NUP133: variants seen among roughly 807,000 people sequenced by gnomAD.
NUP133 encodes the protein nucleoporin 133.
A neutral mutation model predicts 146.2 loss-of-function variants in NUP133; 66 were observed. That is an observed-to-expected ratio of 0.45 (90% CI 0.37 to 0.55). NUP133 has a LOEUF of 0.55. Among genes scored for constraint, NUP133 ranks in the 20% least tolerant of loss-of-function variants. The pLI is 0.00. For missense variants in NUP133, 1,277 were observed against 1,374.8 expected (o/e 0.93, Z 1.12); for synonymous variants, 521 against 498.8 (o/e 1.04, Z -0.59).
chr1:229,442,918 G>T (rs929513242), intron 25 of NUP133, among the ~76,000 whole-genome samples: 1 of 152,022 alleles, frequency 6.6e-6, no homozygotes, highest in Non-Finnish European at 1.5e-5. Flanking sequence ...TGTTGGCCAG[G>T]CTGGTCTTGA....
At chr1:229,491,372 C>T (rs1205727749) in intron 8 of NUP133, among the ~76,000 whole-genome samples, 5 of 152,204 alleles carry the variant, frequency 3.3e-5, no homozygotes, top group African/African-American at 9.6e-5. Flanking sequence ...CCTCCAGACA[C>T]GATGGCTCAC....
chr1:229,455,904 A>G (rs1266935308), intron 21 of NUP133, among the ~76,000 whole-genome samples: 1 of 152,220 alleles, frequency 6.6e-6, no homozygotes, highest in Non-Finnish European at 1.5e-5. Context: ...AACATTCACC[A>G]TAACTGTTAC....
chr1:229,463,392 G>T, intron 19 of NUP133, 151 bp downstream of exon 19: 1 of 878,098 alleles, frequency 1.1e-6, no homozygotes, highest in Non-Finnish European at 1.7e-6. Context: ...ACAAAGAAAC[G>T]CGACATACAA....
At chr1:229,465,340 T>C in intron 17 of NUP133, 80 bp downstream of exon 17, 3 of 1,117,854 alleles carry the variant, frequency 2.7e-6, no homozygotes, top group Non-Finnish European at 4.0e-6. Flanking sequence ...AAACCTACGC[T>C]AGGGGAATAA....
Position 229,500,774 on chromosome 1 carries a change from A to G in NUP133, c.495T>C (p.Gly165=). 1 of 1,609,272 alleles carries G rather than the reference A, an allele frequency of 6.2e-7. No homozygotes were observed. The highest frequency in any genetic ancestry group is 1.7e-5 in the Admixed American group (1 of 59,910). Residue 165 remains glycine (G), a synonymous_variant, in exon 4 of 26, where the codon GGT becomes GGC. Transcript: ENST00000261396. ...LVALSYSSPS[G]EAHSTQAVAV... ...CACCTACCTGAGTAGAATGTGCTTC[A>G]CCTGAGGGAGAAGAGTAAGAAAGAG... is the stretch of plus-strand genomic sequence containing the variant.
chr1:229,472,707 C>CATACATACATATATATATAT lies in NUP133; in HGVS notation c.1852-1904_1852-1903insATATATATATATGTATGTAT, dbSNP rs58951309. ...CAAAAAAATTAAAAAACTAAATATACATATATATATATATATATATGTACA... is the reference window on the plus strand; with the variant it reads ...CAAAAAAATTAAAAAACTAAATATACATACATACATATATATATATATATATATATATATATATATGTACA... On this transcript the variant is annotated intron_variant, in intron 14 of 25. Coordinates refer to ENST00000261396, the MANE Select transcript of NUP133 (RefSeq NM_018230.3). 3.8e-4 allele frequency among the ~76,000 whole-genome samples: 47 copies of CATACATACATATATATATAT among 124,310 alleles called. 2 individuals carry two copies. Among genetic ancestry groups the CATACATACATATATATATAT allele is most frequent in the African/African-American group, 1.4e-3 (44 of 31,984 alleles). The allele number at this position is 124,310 out of a possible 152,430, so 81.6% of individuals were successfully genotyped here.
chr1:229,455,086 T>C (rs534879934), intron 21 of NUP133, among the ~76,000 whole-genome samples: 4 of 152,296 alleles, frequency 2.6e-5, no homozygotes, highest in African/African-American at 9.6e-5. Context: ...GGAGAAAATA[T>C]TGAAATCCCA....
chr1:229,474,778 T>C (rs1342297424), intron 14 of NUP133, among the ~76,000 whole-genome samples: 1 of 152,076 alleles, frequency 6.6e-6, no homozygotes, highest in African/African-American at 2.4e-5. Flanking sequence ...CCGGGTGTGG[T>C]AGTGAGTAGG....
At position 229,465,269 on chromosome 1, in the gene NUP133, A is replaced by G. The variant is rs1660786980; in HGVS notation, c.2299+151T>C. On this transcript the variant is annotated intron_variant, in intron 17 of 25. Transcript: ENST00000261396. ...GATCGATAAATAAGAGCAAGGGACG[A>G]ATAAAGTGATTTTGACAAGAGCTGC... 2.6e-5 allele frequency: 17 copies of G among 652,442 alleles called. No homozygotes were observed. In the South Asian group the frequency reaches 3.2e-4, roughly 12 times the overall value. The allele number at this position is 652,442 out of a possible 1,614,324, so 40.4% of individuals were successfully genotyped here. A position where few individuals can be genotyped will look rare whatever the true frequency, so the allele number is the denominator to read the frequency against.
intron 15 of NUP133, among the ~76,000 whole-genome samples, chr1:229,468,478 G>GT (rs1256638622): frequency 6.6e-6 from 1 of 152,132 alleles, no homozygotes. Flanking sequence ...GACAGGAACA[G>GT]TCCTAAACAT....
intron 22 of NUP133, 137 bp downstream of exon 22, chr1:229,452,388 A>G: frequency 1.8e-6 from 1 of 551,922 alleles, no homozygotes; most frequent in Non-Finnish European, 3.0e-6. Context: ...GCTTCAAACA[A>G]CGTTTTTCTA....
At chr1:229,479,679 G>A (rs1423562252) in intron 12 of NUP133, among the ~76,000 whole-genome samples, 1 of 152,166 alleles carries the variant, frequency 6.6e-6, no homozygotes, top group East Asian at 1.9e-4. Context: ...TTTTGGATAC[G>A]TTGAAACTCA....
chr1:229,459,649 T>C (rs985885660), intron 20 of NUP133, among the ~76,000 whole-genome samples: 8 of 152,230 alleles, frequency 5.3e-5, no homozygotes, highest in Non-Finnish European at 1.0e-4. Flanking sequence ...TGGTTTAGTG[T>C]AATGTTCTCC....
chr1:229,507,047 G>C (rs1661963146), intron 1 of NUP133, among the ~76,000 whole-genome samples: 1 of 152,150 alleles, frequency 6.6e-6, no homozygotes. Context: ...GAAGGGCTAA[G>C]GGCTTTGTTT....
At chr1:229,506,357 T>C (rs961079036) in intron 1 of NUP133, among the ~76,000 whole-genome samples, 199 bp from the exon 2 acceptor site, 2 of 151,130 alleles carry the variant, frequency 1.3e-5, no homozygotes, top group East Asian at 3.9e-4. Flanking sequence ...TTCAATCCCA[T>C]AGACTCTAGT....
chr1:229,499,565 T>G, intron 5 of NUP133, 119 bp downstream of exon 5: 3 of 1,095,526 alleles, frequency 2.7e-6, no homozygotes, highest in Non-Finnish European at 3.9e-6. Flanking sequence ...GCCCAGGAGT[T>G]TGAGAATTGC....
In NUP133 at chr1:229,494,297, T is replaced by C. The variant is rs747229022; in HGVS notation, c.1046+1198A>G. Among the ~76,000 whole-genome samples, 29 of 152,324 alleles carry C rather than the reference T, an allele frequency of 1.9e-4. No individual in the cohort carries two copies. The Middle Eastern group carries it at 0.014, about 71-fold the overall frequency. ...AACAAGTACTATTACTTTTACCTCT[T>C]TGATAGCTTTTATAAGGTTTTCAGA... is the stretch of plus-strand genomic sequence containing the variant. On this transcript the variant is annotated intron_variant, in intron 8 of 25. Coordinates refer to ENST00000261396, the MANE Select transcript of NUP133 (RefSeq NM_018230.3).
At chr1:229,502,558 CAAAA>C (rs58520087) in intron 2 of NUP133, among the ~76,000 whole-genome samples, 270 of 43,072 alleles carry the variant, frequency 6.3e-3, no homozygotes, top group African/African-American at 0.025. Flanking sequence ...GACTCCATCT[CAAAA>C]AAAAAAAAAA....
Position 229,487,500 on chromosome 1 carries a change from A to C in NUP133, c.1308T>G (p.Ser436=), listed in dbSNP as rs752094737. 2 of 1,613,442 alleles carry C rather than the reference A, an allele frequency of 1.2e-6. No homozygotes were observed. The highest frequency in any genetic ancestry group is 2.7e-5 in the African/African-American group (2 of 74,904). ...YVCSTGTGKF[S]LPQEKIVFNA... is the part of the protein sequence containing the mutation. Reference sequence around the variant, plus strand: ...TAAAGACAATTTTCTCCTGGGGAAGAGAAAATTTCCCAGTTCCTGTGGAGC... The same window carrying C: ...TAAAGACAATTTTCTCCTGGGGAAGCGAAAATTTCCCAGTTCCTGTGGAGC... Residue 436 remains serine (S), a synonymous_variant, in exon 10 of 26, where the codon TCT becomes TCG. Coordinates refer to ENST00000261396, the MANE Select transcript of NUP133 (RefSeq NM_018230.3).
Sources: gnomAD v4.1 joint callset for allele counts (sites outside exome capture counted in the v4.1 genomes callset) on GRCh38, gnomAD v4.1.1 for gene constraint, MANE v1.5 for transcripts, NCBI Gene and HGNC (gene_info 2026-07-23, HGNC 2026-07-21) for gene names.